Variants in SYNE2 observed in about 807,000 individuals in gnomAD.
SYNE2 encodes spectrin repeat containing nuclear envelope protein 2, also known as nesprin-2.
A neutral mutation model predicts 856.3 loss-of-function variants in SYNE2; 431 were observed. The ratio of observed to expected loss-of-function variants is 0.50; its 90% confidence interval spans 0.47 to 0.55. SYNE2 has a LOEUF of 0.55. Among genes scored for constraint, SYNE2 ranks in the 20% least tolerant of loss-of-function variants. The probability of loss-of-function intolerance (pLI) is 0.00; values close to 1 mark genes in which losing one functional copy is unlikely to be tolerated. For synonymous variants in SYNE2, 2,923 were observed against 2,872.3 expected (o/e 1.02, Z -0.56); for missense variants, 8,129 against 8,023.2 (o/e 1.01, Z -0.50).
At chr14:64,138,065 C>T in intron 79 of SYNE2, 82 bp downstream of exon 79, 1 of 1,481,030 alleles carries the variant, frequency 6.8e-7, no homozygotes, top group Non-Finnish European at 9.2e-7. Context: ...CTAAATTTTA[C>T]CTGCAACCCA....
chr14:64,008,096 T>C (rs2153514409), intron 31 of SYNE2, among the ~76,000 whole-genome samples: 1 of 152,338 alleles, frequency 6.6e-6, no homozygotes, highest in Non-Finnish European at 1.5e-5. Flanking sequence ...CTACATTCCT[T>C]TGCCTGTGTC....
At chr14:64,101,858 G>A (rs1442581981) in intron 63 of SYNE2, 74 bp from the exon 64 acceptor site, 15 of 1,086,602 alleles carry the variant, frequency 1.4e-5, no homozygotes, top group East Asian at 4.8e-5. Context: ...TATAAAAGAC[G>A]TGAGTGAGTA....
chr14:64,099,898 C>T (rs1354111014), intron 63 of SYNE2: 1 of 152,144 alleles, frequency 6.6e-6, no homozygotes, highest in East Asian at 1.9e-4. Context: ...ATCCCTTCCC[C>T]CTCCCCCTAA....
chr14:63,922,396 G>T (rs115474084), intron 2 of SYNE2, among the ~76,000 whole-genome samples: 11 of 152,180 alleles, frequency 7.2e-5, no homozygotes, highest in African/African-American at 2.7e-4. Context: ...CTACTTTATT[G>T]GTAGCCCTTA....
At chr14:63,978,747 TAAAAG>T (rs2096564013) in intron 13 of SYNE2, 100 bp from the exon 14 acceptor site, 1 of 979,776 alleles carries the variant, frequency 1.0e-6, no homozygotes, top group Middle Eastern at 3.3e-4. Context: ...TCCATGTGCT[TAAAAG>T]AAAAAGTTAA....
At chr14:63,948,146 TAC>T (rs955649466) in intron 6 of SYNE2, among the ~76,000 whole-genome samples, 5 of 119,738 alleles carry the variant, frequency 4.2e-5, no homozygotes, top group African/African-American at 1.4e-4. Flanking sequence ...TGCGCGCACA[TAC>T]ACACACAGAC....
At chr14:64,170,598 C>T in intron 94 of SYNE2, 136 bp downstream of exon 94, 1 of 859,954 alleles carries the variant, frequency 1.2e-6, no homozygotes, top group Non-Finnish European at 1.9e-6. Flanking sequence ...CAGCAAGGTG[C>T]AGTCACCACC....
At position 64,113,684 on chromosome 14, in the gene SYNE2, C is replaced by T. The variant is rs541232016; in HGVS notation, c.12840+113C>T. On this transcript the variant is annotated intron_variant, in intron 66 of 115. Transcript: ENST00000555002. ...TTTCTTTCTGTTACTCTGACCCTTACATTTATCTTGGCCTCAGCTTTTAGT... is the reference window on the plus strand; with the variant it reads ...TTTCTTTCTGTTACTCTGACCCTTATATTTATCTTGGCCTCAGCTTTTAGT... 2.7e-4 allele frequency: 317 copies of T among 1,174,174 alleles called. 6 individuals are homozygous for T. In the African/African-American group the frequency reaches 3.5e-3, roughly 13 times the overall value. 72.7% of individuals were successfully genotyped at this position (1,174,174 alleles called of 1,614,324 possible). A position where few individuals can be genotyped will look rare whatever the true frequency, so the allele number is the denominator to read the frequency against.
intron 80 of SYNE2, among the ~76,000 whole-genome samples, chr14:64,140,540 G>A (rs950151326): frequency 1.3e-5 from 2 of 152,160 alleles, no homozygotes; most frequent in Non-Finnish European, 1.5e-5. Flanking sequence ...CTGAGATGGC[G>A]CCATTGCACT....
At chr14:63,929,604 C>T (rs145974756) in intron 2 of SYNE2, among the ~76,000 whole-genome samples, 2,023 of 152,050 alleles carry the variant, frequency 0.013, 46 homozygotes, top group African/African-American at 0.046. Flanking sequence ...AACCCCGTCT[C>T]TACTAAAAAT....
rs1001590555 is a variant in SYNE2 at position 64,209,886 on chromosome 14, G to A, written c.18541-56G>A. On this transcript the variant is annotated intron_variant, in intron 102 of 115. Coordinates refer to ENST00000555002, the MANE Select transcript of SYNE2 (RefSeq NM_182914.3). ...AGGTCGCTTGGGATGTAGAAGGGAA[G>A]GAGGGCGTCCTGGCACTCTGCATGC... 11 of 1,610,874 alleles carry A rather than the reference G, an allele frequency of 6.8e-6. No homozygotes were observed. In the African/African-American group the frequency reaches 1.3e-4, roughly 20 times the overall value.
intron 2 of SYNE2, among the ~76,000 whole-genome samples, chr14:63,938,948 G>GTGCATGTGAGCGCT (rs1555387862): frequency 6.6e-6 from 1 of 151,786 alleles, no homozygotes; most frequent in Non-Finnish European, 1.5e-5. Context: ...GTGTGCGTGT[G>GTGCATGTGAGCGCT]TGCATGTGTG....
In SYNE2 at chr14:64,101,941, G is replaced by A. The variant is rs2097733510; in HGVS notation, c.12391G>A (p.Glu4131Lys). The A allele has an allele frequency of 6.2e-7, 1 of 1,613,126 alleles. No homozygotes were observed. Among genetic ancestry groups the A allele is most frequent in the Non-Finnish European group, 8.5e-7 (1 of 1,179,208 alleles). The change falls in exon 64 of 116, where the codon GAG becomes AAG. Residue 4131 changes from glutamate to lysine, a missense_variant. Transcript: ENST00000555002. Reference protein sequence around the residue: ...ESSVKSDNGDEKAEPSPQSWS... With the variant: ...ESSVKSDNGDKKAEPSPQSWS... ...TCGTTTACTGTGATAGAATGGAGATGAGAAGGCAGAGCCATCGCCTCAGTC... is the reference window on the plus strand; with the variant it reads ...TCGTTTACTGTGATAGAATGGAGATAAGAAGGCAGAGCCATCGCCTCAGTC...
chr14:64,102,982 T>A (rs2097745438), intron 64 of SYNE2, among the ~76,000 whole-genome samples: 1 of 152,204 alleles, frequency 6.6e-6, no homozygotes, highest in East Asian at 1.9e-4. Flanking sequence ...TGACAGAACC[T>A]CCTTCTTTTT....
In SYNE2 at chr14:64,052,953, T is replaced by G; in HGVS notation, c.9040T>G (p.Phe3014Val). Residue 3014 changes from phenylalanine (F) to valine (V), a missense_variant, in exon 48 of 116, where the codon TTT becomes GTT. Phe to Val is a conservative substitution (Grantham distance 50, BLOSUM62 -1). Transcript: ENST00000555002. ...VFDYIGLNWD[F>V]SQLDQLQTQV... ...TGACTATATTGGACTAAACTGGGATTTTTCACAACTTGACCAATTACAAAC... is the reference window on the plus strand; with the variant it reads ...TGACTATATTGGACTAAACTGGGATGTTTCACAACTTGACCAATTACAAAC... 6.2e-7 allele frequency: 1 copy of G among 1,610,294 alleles called. No homozygotes were observed. The highest frequency in any genetic ancestry group is 8.5e-7 in the Non-Finnish European group (1 of 1,179,154).
chr14:64,075,617 C>A, intron 53 of SYNE2: 1 of 144,226 alleles, frequency 6.9e-6, no homozygotes, highest in African/African-American at 3.0e-5. Flanking sequence ...TTTTTTTTTG[C>A]TGCTTGCAGC....
At chr14:64,096,566 T>C (rs1275819834) in intron 61 of SYNE2, among the ~76,000 whole-genome samples, 1 of 152,182 alleles carries the variant, frequency 6.6e-6, no homozygotes, top group African/African-American at 2.4e-5. Flanking sequence ...TAGTGTTTAT[T>C]GAAAGTGGAA....
intron 64 of SYNE2, among the ~76,000 whole-genome samples, chr14:64,103,439 A>T (rs377693966): frequency 6.6e-6 from 1 of 150,730 alleles, no homozygotes; most frequent in African/African-American, 2.4e-5. Flanking sequence ...CATTCTAAAT[A>T]TTTTCCAGTC....
chr14:63,980,559 C>G, intron 14 of SYNE2, 95 bp from the exon 15 acceptor site: 1 of 812,802 alleles, frequency 1.2e-6, no homozygotes, highest in Non-Finnish European at 2.1e-6. Flanking sequence ...TTTGGTAACT[C>G]TGTCCTTCGT....
Sources: gnomAD v4.1 joint callset for allele counts (sites outside exome capture counted in the v4.1 genomes callset) on GRCh38, gnomAD v4.1.1 for gene constraint, MANE v1.5 for transcripts, NCBI Gene and HGNC (gene_info 2026-07-23, HGNC 2026-07-21) for gene names.